Variants in SSBP2 observed in about 807,000 individuals in gnomAD.
SSBP2 encodes single stranded DNA binding protein 2.
SSBP2 carries 17 observed loss-of-function variants against 61.8 expected under a neutral mutation model. The observed-to-expected ratio is 0.28, with a 90% CI of 0.19 to 0.41. The LOEUF (loss-of-function observed/expected upper bound fraction) is 0.41, where lower values mean the gene tolerates loss of function less well. SSBP2 is among the 10% of genes least tolerant of loss of function. The pLI is 1.00. For synonymous variants in SSBP2, 139 were observed against 141.3 expected, an observed-to-expected ratio of 0.98 and a Z score of 0.12; for missense variants, 310 against 458.7, an observed-to-expected ratio of 0.68 and a Z score of 2.96.
chr5:81,542,817 T>TTCTCTCTCCCTCTCTCTCTCTCTC (rs1771385698), intron 4 of SSBP2, among the ~76,000 whole-genome samples: 94 of 106,788 alleles, frequency 8.8e-4, no homozygotes, highest in African/African-American at 3.1e-3. Flanking sequence ...ATTTGACAGT[T>TTCTCTCTCCCTCTCTCTCTCTCTC]TCTCTCTCTC....
chr5:81,486,928 C>T (rs1766429140), intron 6 of SSBP2, among the ~76,000 whole-genome samples: 1 of 152,318 alleles, frequency 6.6e-6, no homozygotes, highest in African/African-American at 2.4e-5. Context: ...CTGGCACTTT[C>T]TGCTGTGCAC....
chr5:81,636,487 T>C (rs376657084), intron 3 of SSBP2, 70 bp downstream of exon 3: 405 of 1,151,838 alleles, frequency 3.5e-4, no homozygotes, highest in Non-Finnish European at 4.6e-4. Context: ...CATGAAATCA[T>C]AAACAGGTAT....
At chr5:81,695,855 T>A (rs1258995730) in intron 1 of SSBP2, among the ~76,000 whole-genome samples, 1 of 152,174 alleles carries the variant, frequency 6.6e-6, no homozygotes, top group African/African-American at 2.4e-5. Flanking sequence ...TTTTAAATTC[T>A]GCTTAATAAT....
At chr5:81,670,144 C>T (rs1284746118) in intron 1 of SSBP2, among the ~76,000 whole-genome samples, 1 of 152,054 alleles carries the variant, frequency 6.6e-6, no homozygotes, top group African/African-American at 2.4e-5. Flanking sequence ...AACAGAGAAC[C>T]CTAATGTAAA....
chr5:81,652,392 ATAAGTC>A (rs1749806276), intron 1 of SSBP2, among the ~76,000 whole-genome samples: 2 of 151,594 alleles, frequency 1.3e-5, no homozygotes, highest in African/African-American at 4.8e-5. Context: ...TTCTCTCTCT[ATAAGTC>A]TAAAACAGTG....
chr5:81,656,555 T>C (rs1750228320), intron 1 of SSBP2, among the ~76,000 whole-genome samples: 1 of 152,162 alleles, frequency 6.6e-6, no homozygotes, highest in South Asian at 2.1e-4. Context: ...GTGAGATCTG[T>C]GACATAACAT....
chr5:81,538,017 G>A (rs892458147), intron 4 of SSBP2, among the ~76,000 whole-genome samples: 2 of 152,110 alleles, frequency 1.3e-5, no homozygotes, highest in African/African-American at 2.4e-5. Context: ...GGAAAAAGTT[G>A]CACATCTCTC....
chr5:81,577,978 A>T (rs1313940162), intron 4 of SSBP2, among the ~76,000 whole-genome samples: 1 of 152,042 alleles, frequency 6.6e-6, no homozygotes, highest in African/African-American at 2.4e-5. Context: ...TTGGATACAC[A>T]TTATTACTAG....
intron 9 of SSBP2, among the ~76,000 whole-genome samples, chr5:81,464,487 T>C (rs1041241010): frequency 4.6e-5 from 7 of 152,162 alleles, no homozygotes; most frequent in Non-Finnish European, 1.0e-4. Context: ...GTTTAGAGCA[T>C]GAAAACAAAG....
intron 1 of SSBP2, among the ~76,000 whole-genome samples, chr5:81,687,246 A>G (rs2153827157): frequency 6.6e-6 from 1 of 152,362 alleles, no homozygotes; most frequent in East Asian, 1.9e-4. Context: ...TGCATGTCAC[A>G]GCAGAGAGCA....
At chr5:81,688,515 A>G (rs757896981) in intron 1 of SSBP2, among the ~76,000 whole-genome samples, 1 of 152,232 alleles carries the variant, frequency 6.6e-6, no homozygotes. Context: ...GGTTATAGCC[A>G]CGGGGGTGCT....
At position 81,420,462 on chromosome 5, in the gene SSBP2, G is replaced by C. The variant is rs767093711; in HGVS notation, c.*42C>G. ...TTTCTTCCGTAGTAGTTCTGTGAAG[G>C]GCTGACTCACTGTGGTTTTCATGAG... On this transcript the variant is annotated 3_prime_UTR_variant, in exon 17 of 17. Coordinates refer to ENST00000320672, the MANE Select transcript of SSBP2 (RefSeq NM_012446.5). The C allele has an allele frequency of 6.3e-7, 1 of 1,594,920 alleles. No individual in the cohort carries two copies. The highest frequency in any genetic ancestry group is 8.6e-7 in the Non-Finnish European group (1 of 1,162,696).
intron 4 of SSBP2, among the ~76,000 whole-genome samples, chr5:81,550,968 C>T (rs1184386917): frequency 3.3e-5 from 5 of 151,740 alleles, no homozygotes; most frequent in East Asian, 1.9e-4. Context: ...TGGTGGCAGG[C>T]GCCTGTAGTC....
At chr5:81,520,529 A>C (rs942009017) in intron 4 of SSBP2, among the ~76,000 whole-genome samples, 3 of 152,178 alleles carry the variant, frequency 2.0e-5, no homozygotes, top group African/African-American at 7.2e-5. Context: ...GATATGCTTT[A>C]ATTCACAAAT....
At chr5:81,637,786 A>G (rs1379069031) in intron 2 of SSBP2, among the ~76,000 whole-genome samples, 3 of 152,236 alleles carry the variant, frequency 2.0e-5, no homozygotes, top group Non-Finnish European at 4.4e-5. Context: ...TCATGCTGCT[A>G]TAAAGACACA....
intron 4 of SSBP2, among the ~76,000 whole-genome samples, chr5:81,587,085 T>C (rs2153497818): frequency 6.6e-6 from 1 of 152,300 alleles, no homozygotes; most frequent in Admixed American, 6.5e-5. Flanking sequence ...GTTTTCCCCT[T>C]TGTTCTTTTT....
intron 8 of SSBP2, among the ~76,000 whole-genome samples, chr5:81,470,761 T>G (rs1408328444): frequency 6.6e-6 from 1 of 151,962 alleles, no homozygotes; most frequent in African/African-American, 2.4e-5. Context: ...AAGGCAGATA[T>G]CTTCTGCTCT....
intron 1 of SSBP2, among the ~76,000 whole-genome samples, chr5:81,693,098 A>T (rs1338919851): frequency 6.6e-6 from 1 of 151,584 alleles, no homozygotes. Context: ...CCAGCTACTC[A>T]GGAGGCCGAG....
At chr5:81,566,769 A>G (rs1236806993) in intron 4 of SSBP2, among the ~76,000 whole-genome samples, 1 of 152,218 alleles carries the variant, frequency 6.6e-6, no homozygotes, top group Non-Finnish European at 1.5e-5. Context: ...GCTTATAGAG[A>G]TATCAACAAT....
Sources: gnomAD v4.1 joint callset for allele counts (sites outside exome capture counted in the v4.1 genomes callset) on GRCh38, gnomAD v4.1.1 for gene constraint, MANE v1.5 for transcripts, NCBI Gene and HGNC (gene_info 2026-07-23, HGNC 2026-07-21) for gene names.